The following LRRK2 variants were observed in gnomAD, a reference collection of about 807,000 sequenced individuals.
LRRK2 encodes leucine-rich repeat serine/threonine-protein kinase 2.
In LRRK2, 203 loss-of-function variants were observed where a neutral mutation model predicts 302.6. The observed-to-expected ratio is 0.67, with a 90% CI of 0.60 to 0.75. The LOEUF is 0.75. LRRK2 is among the 30% of genes least tolerant of loss of function. The probability of loss-of-function intolerance (pLI) is 0.00; values close to 1 mark genes in which losing one functional copy is unlikely to be tolerated. For synonymous variants in LRRK2, 1,066 were observed against 1,031.9 expected (o/e 1.03, Z -0.63); for missense variants, 2,830 against 2,951.0 (o/e 0.96, Z 0.95).
Position 40,337,289 on chromosome 12 carries a change from A to G in LRRK2, c.5948+2132A>G, listed in dbSNP as rs187768949. 4.1e-4 allele frequency among the ~76,000 whole-genome samples: 63 copies of G among 152,338 alleles called. No homozygotes were observed. In the East Asian group the frequency reaches 9.3e-3, roughly 22 times the overall value. On this transcript the variant is annotated intron_variant, in intron 40 of 50. Coordinates refer to ENST00000298910, the MANE Select transcript of LRRK2 (RefSeq NM_198578.4). The stretch of plus-strand genomic sequence containing the variant: ...CATACAAGAACTTTCTTCACGTTAC[A>G]TGCTCTCTCTTCCTCCATCTTGCTT...
At position 40,308,969 on chromosome 12, in the gene LRRK2, C is replaced by T. The variant is rs11175963; in HGVS notation, c.4190-137C>T. ...CCTAGTAAAAACCCAGAATAGTTCT[C>T]TAAACATGGTCTGTTGTTTTTCTCT... On this transcript the variant is annotated intron_variant, in intron 29 of 50. Transcript: ENST00000298910. 0.064 allele frequency: 67,790 copies of T among 1,063,442 alleles called. 2,546 individuals are homozygous for T. The highest frequency in any genetic ancestry group is 0.13 in the Admixed American group (5,058 of 39,418). The allele number at this position is 1,063,442 out of a possible 1,614,324, so 65.9% of individuals were successfully genotyped here.
intron 11 of LRRK2, among the ~76,000 whole-genome samples, chr12:40,256,793 C>T (rs1942533942): frequency 6.6e-6 from 1 of 152,236 alleles, no homozygotes; most frequent in Non-Finnish European, 1.5e-5. Context: ...ATGCTTATAA[C>T]TCATTCCCAG....
intron 33 of LRRK2, among the ~76,000 whole-genome samples, chr12:40,316,680 G>A (rs1945233227): frequency 6.6e-6 from 1 of 152,002 alleles, no homozygotes; most frequent in African/African-American, 2.4e-5. Context: ...GTAAATGTTA[G>A]CTAATTTTAT....
At chr12:40,336,584 G>T (rs896104394) in intron 40 of LRRK2, among the ~76,000 whole-genome samples, 1 of 152,204 alleles carries the variant, frequency 6.6e-6, no homozygotes, top group Admixed American at 6.5e-5. Context: ...AAGCCAAGCA[G>T]TGTATGCAAC....
At chr12:40,248,520 A>T (rs1413786444) in intron 7 of LRRK2, among the ~76,000 whole-genome samples, 1 of 152,098 alleles carries the variant, frequency 6.6e-6, no homozygotes, top group Non-Finnish European at 1.5e-5. Flanking sequence ...GTTCCATTTA[A>T]TGGGTAGAGA....
At position 40,316,794 on chromosome 12, in the gene LRRK2, G is replaced by A. The variant is rs1479839123; in HGVS notation, c.4827+1494G>A. Among the ~76,000 whole-genome samples, 3 of 151,956 alleles carry A rather than the reference G, an allele frequency of 2.0e-5. No homozygotes were observed. In the East Asian group the frequency reaches 5.8e-4, roughly 29 times the overall value. On this transcript the variant is annotated intron_variant, in intron 33 of 50. Coordinates refer to ENST00000298910, the MANE Select transcript of LRRK2 (RefSeq NM_198578.4). ...AGTTTTGGAAAGTGTGTCATGTATGGGGACAAATAAAAAAGATGTGTAGGT... is the reference window on the plus strand; with the variant it reads ...AGTTTTGGAAAGTGTGTCATGTATGAGGACAAATAAAAAAGATGTGTAGGT...
chr12:40,246,801 C>T (rs1032555369), intron 7 of LRRK2, among the ~76,000 whole-genome samples: 6 of 152,066 alleles, frequency 3.9e-5, no homozygotes, highest in Non-Finnish European at 8.8e-5. Context: ...TTGAATGCAG[C>T]GCCAGGATTC....
intron 25 of LRRK2, 118 bp from the exon 26 acceptor site, chr12:40,302,671 C>T: frequency 1.3e-6 from 1 of 755,828 alleles, no homozygotes; most frequent in South Asian, 1.5e-5. Flanking sequence ...TAAAAATTGT[C>T]AGTGTGAGAA....
At chr12:40,257,430 A>G in intron 12 of LRRK2, 53 bp downstream of exon 12, 2 of 1,563,902 alleles carry the variant, frequency 1.3e-6, no homozygotes, top group Non-Finnish European at 8.8e-7. Flanking sequence ...GCCAGGTAGA[A>G]TATCAATATT....
Position 40,369,218 on chromosome 12 carries a change from C to T in LRRK2, c.*1453C>T, listed in dbSNP as rs1327080251. On this transcript the variant is annotated 3_prime_UTR_variant, in exon 51 of 51. Transcript: ENST00000298910. ...ACTTTGTATTTGCAATTTTTTTTAC[C>T]AAAGACAAATTAAAAAAATGAATAC... is the stretch of plus-strand genomic sequence containing the variant. 1 of 150,528 alleles carries T rather than the reference C, an allele frequency of 6.6e-6. No individual in the cohort carries two copies. The highest frequency in any genetic ancestry group is 1.5e-5 in the Non-Finnish European group (1 of 67,454). 9.3% of individuals were successfully genotyped at this position (150,528 alleles called of 1,614,324 possible). A position where few individuals can be genotyped will look rare whatever the true frequency, so the allele number is the denominator to read the frequency against.
intron 1 of LRRK2, 55 bp downstream of exon 1, chr12:40,225,337 T>C (rs1940812014): frequency 6.3e-7 from 1 of 1,595,814 alleles, no homozygotes; most frequent in Non-Finnish European, 8.6e-7. Context: ...CTCCCCCTCC[T>C]TACATTTGCA....
chr12:40,328,106 G>A (rs1019900479), intron 38 of LRRK2, among the ~76,000 whole-genome samples: 1 of 152,168 alleles, frequency 6.6e-6, no homozygotes, highest in Admixed American at 6.5e-5. Flanking sequence ...GATAGATGAA[G>A]TCACAGAAGT....
chr12:40,292,129 C>G (rs1434197067), intron 20 of LRRK2, among the ~76,000 whole-genome samples: 1 of 152,010 alleles, frequency 6.6e-6, no homozygotes, highest in East Asian at 1.9e-4. Flanking sequence ...ATCTCTATCT[C>G]CTCATCTCAG....
chr12:40,285,906 C>A (rs1943908872), intron 19 of LRRK2, among the ~76,000 whole-genome samples: 1 of 152,100 alleles, frequency 6.6e-6, no homozygotes, highest in East Asian at 1.9e-4. Context: ...TGAAATAAAA[C>A]CCTCCAGAAA....
chr12:40,311,066 T>C (rs965042568), intron 31 of LRRK2, among the ~76,000 whole-genome samples: 43 of 152,132 alleles, frequency 2.8e-4, no homozygotes, highest in African/African-American at 1.0e-3. Context: ...TCTTTTCTTT[T>C]GGAATTCCTG....
At chr12:40,279,906 C>T (rs770658242) in intron 18 of LRRK2, among the ~76,000 whole-genome samples, 3 of 152,100 alleles carry the variant, frequency 2.0e-5, no homozygotes, top group Non-Finnish European at 2.9e-5. Flanking sequence ...TCGTATGTAC[C>T]TTATTTGTGC....
At chr12:40,308,912 G>A (rs1378550307) in intron 29 of LRRK2, among the ~76,000 whole-genome samples, 194 bp from the exon 30 acceptor site, 3 of 152,082 alleles carry the variant, frequency 2.0e-5, no homozygotes, top group Non-Finnish European at 4.4e-5. Flanking sequence ...TACTTTGATC[G>A]GTTGCTGACA....
chr12:40,288,604 G>T (rs1187573583), intron 20 of LRRK2, among the ~76,000 whole-genome samples: 2 of 151,844 alleles, frequency 1.3e-5, no homozygotes, highest in African/African-American at 2.4e-5. Flanking sequence ...ATCCTTGTCA[G>T]TACTTGGTAT....
chr12:40,362,306 T>C (rs1208660783), intron 47 of LRRK2, among the ~76,000 whole-genome samples: 1 of 152,070 alleles, frequency 6.6e-6, no homozygotes, highest in Non-Finnish European at 1.5e-5. Flanking sequence ...CTCTAGGATA[T>C]ACTAATGATT....
Sources: allele counts gnomAD v4.1 joint callset (sites outside exome capture counted in the v4.1 genomes callset), GRCh38; gene constraint gnomAD v4.1.1; transcripts MANE v1.5; gene names NCBI Gene and HGNC (gene_info 2026-07-23, HGNC 2026-07-21).